The following ZNF148 variants were observed in gnomAD, a reference collection of about 807,000 sequenced individuals.
The protein encoded by ZNF148 is Beta-Enolase Repressor Factor-1.
Under a neutral mutation model 67.7 loss-of-function variants are expected in ZNF148, and 7 were observed. That is an observed-to-expected ratio of 0.10 (90% CI 0.06 to 0.19). The LOEUF (loss-of-function observed/expected upper bound fraction) is 0.19, where lower values mean the gene tolerates loss of function less well. Ranked by LOEUF, ZNF148 falls within the 10% of genes least tolerant of loss-of-function variation. The pLI is 1.00. For missense variants in ZNF148, 583 were observed against 947.1 expected (o/e 0.62, Z 5.05); for synonymous variants, 333 against 330.7 (o/e 1.01, Z -0.08).
At chr3:125,237,603 A>G (rs1013466551) in intron 7 of ZNF148, among the ~76,000 whole-genome samples, 4 of 152,176 alleles carry the variant, frequency 2.6e-5, no homozygotes, top group African/African-American at 9.7e-5. Flanking sequence ...AACTAAATTT[A>G]AAAAAGAATG....
rs1935855826 is a variant in ZNF148 at position 125,231,577 on chromosome 3, T to TA, written c.*763dup. 6.6e-6 allele frequency: 1 copy of TA among 152,506 alleles called. No homozygotes were observed. Among genetic ancestry groups the TA allele is most frequent in the African/African-American group, 2.4e-5 (1 of 41,432 alleles). The allele number at this position is 152,506 out of a possible 1,614,324, so 9.4% of individuals were successfully genotyped here. A position where few individuals can be genotyped will look rare whatever the true frequency, so the allele number is the denominator to read the frequency against. The stretch of plus-strand genomic sequence containing the variant: ...CTTGATACCTGCACATGAAAAATCA[T>TA]AAAAAATATCTAAGTACAACTGTAC... On this transcript the variant is annotated 3_prime_UTR_variant, in exon 9 of 9. Coordinates refer to ENST00000360647, the MANE Select transcript of ZNF148 (RefSeq NM_021964.3).
intron 1 of ZNF148, among the ~76,000 whole-genome samples, chr3:125,350,228 C>T (rs1345911861): frequency 1.3e-5 from 2 of 152,108 alleles, no homozygotes; most frequent in Non-Finnish European, 2.9e-5. Flanking sequence ...GGCGCAATCT[C>T]GGCTTACTGC....
intron 7 of ZNF148, among the ~76,000 whole-genome samples, chr3:125,269,130 G>A (rs1411629030): frequency 6.8e-6 from 1 of 146,390 alleles, no homozygotes; most frequent in East Asian, 2.0e-4. Context: ...TACTTTAGGA[G>A]ACTAAGGCAG....
chr3:125,329,254 G>C (rs1436043244), intron 2 of ZNF148, among the ~76,000 whole-genome samples: 2 of 146,428 alleles, frequency 1.4e-5, no homozygotes, highest in Admixed American at 1.4e-4. Context: ...TATATCTGTA[G>C]TATATACATA....
At chr3:125,358,031 G>C (rs1942419087) in intron 1 of ZNF148, among the ~76,000 whole-genome samples, 1 of 152,092 alleles carries the variant, frequency 6.6e-6, no homozygotes, top group African/African-American at 2.4e-5. Context: ...TCATAAATCG[G>C]ACCGGCGCGG....
intron 7 of ZNF148, among the ~76,000 whole-genome samples, chr3:125,241,527 G>C (rs966031775): frequency 1.3e-5 from 2 of 151,974 alleles, no homozygotes; most frequent in African/African-American, 4.8e-5. Flanking sequence ...TTAATTCACT[G>C]TTCTTATCTT....
intron 4 of ZNF148, among the ~76,000 whole-genome samples, chr3:125,291,821 GTATACACAGCCA>G (rs1939031527): frequency 6.6e-6 from 1 of 152,054 alleles, no homozygotes; most frequent in South Asian, 2.1e-4. Context: ...AGTAAAAGTA[GTATACACAGCCA>G]TATAAAAAAA....
At chr3:125,255,113 T>C (rs1036388102) in intron 7 of ZNF148, among the ~76,000 whole-genome samples, 2 of 152,166 alleles carry the variant, frequency 1.3e-5, no homozygotes, top group Non-Finnish European at 2.9e-5. Context: ...CTATTTTTGC[T>C]ATTGGTGTTA....
chr3:125,307,451 T>C (rs62270335), intron 4 of ZNF148, among the ~76,000 whole-genome samples: 81,269 of 151,222 alleles, frequency 0.54, 22,948 homozygotes, highest in Middle Eastern at 0.67. Flanking sequence ...CACAGGCGCT[T>C]GCTACCACGC....
intron 5 of ZNF148, among the ~76,000 whole-genome samples, chr3:125,281,862 T>C (rs1938407666): frequency 6.6e-6 from 1 of 152,190 alleles, no homozygotes; most frequent in African/African-American, 2.4e-5. Flanking sequence ...ATAAAGGACA[T>C]AGAGTAAACT....
intron 2 of ZNF148, among the ~76,000 whole-genome samples, chr3:125,325,999 G>A (rs1194970425): frequency 6.6e-6 from 1 of 152,016 alleles, no homozygotes; most frequent in Non-Finnish European, 1.5e-5. Context: ...AGAAAGACAG[G>A]GAAATCACAT....
chr3:125,342,008 G>A (rs78707194), intron 1 of ZNF148, among the ~76,000 whole-genome samples: 12,673 of 142,446 alleles, frequency 0.089, 866 homozygotes, highest in Non-Finnish European at 0.1. Context: ...GCGGGGGGGG[G>A]AATGGAAATC....
At position 125,366,463 on chromosome 3, in the gene ZNF148, GATTA is replaced by G. The variant is rs1393723973; in HGVS notation, c.-234+8635_-234+8638del. Among the ~76,000 whole-genome samples the G allele has an allele frequency of 3.3e-5, 5 of 152,126 alleles. No individual in the cohort carries two copies. The East Asian group carries it at 9.6e-4, about 29-fold the overall frequency. The stretch of plus-strand genomic sequence containing the variant: ...CTCTGCGTTCCAAACTATAGATTGT[GATTA>G]ATTATTTTGTCGGTCATGAAATCAG... On this transcript the variant is annotated intron_variant, in intron 1 of 8. Transcript: ENST00000360647.
Position 125,233,984 on chromosome 3 carries a change from C to A in ZNF148, c.787-45G>T. On this transcript the variant is annotated intron_variant, in intron 8 of 8. Transcript: ENST00000360647. This position sits in a 1 kb window ranked among gnomAD's most constrained non-coding sequence, Gnocchi z 5.1. ...GTAGTGGGTTGTTTGTGGTTTTGGT[C>A]AACCAAGAAAAGAAAAAGTGAAACA... 3 of 1,527,836 alleles carry A rather than the reference C, an allele frequency of 2.0e-6. No individual in the cohort carries two copies. Among genetic ancestry groups the A allele is most frequent in the South Asian group, 2.7e-5 (2 of 74,778 alleles). The allele number at this position is 1,527,836 out of a possible 1,614,324, so 94.6% of individuals were successfully genotyped here.
intron 2 of ZNF148, among the ~76,000 whole-genome samples, chr3:125,323,899 C>T (rs1407345509): frequency 2.6e-5 from 4 of 150,964 alleles, no homozygotes; most frequent in South Asian, 2.1e-4. Context: ...GCAGAGCTTG[C>T]AGTGAGCCAA....
chr3:125,344,615 TAC>T, intron 1 of ZNF148: 4 of 756,918 alleles, frequency 5.3e-6, no homozygotes. Flanking sequence ...GTCATAGATG[TAC>T]CATCTTTTAG....
At chr3:125,298,061 C>A (rs558351656) in intron 4 of ZNF148, among the ~76,000 whole-genome samples, 16 of 152,068 alleles carry the variant, frequency 1.1e-4, no homozygotes, top group Non-Finnish European at 2.1e-4. Context: ...AATAAAGAAA[C>A]CAGATACCTA....
intron 7 of ZNF148, among the ~76,000 whole-genome samples, chr3:125,266,842 A>G (rs1028089028): frequency 6.6e-6 from 1 of 152,082 alleles, no homozygotes; most frequent in African/African-American, 2.4e-5. Flanking sequence ...TCAAATAAGC[A>G]CAATCAGAAA....
intron 1 of ZNF148, among the ~76,000 whole-genome samples, chr3:125,350,018 G>C (rs1039114132): frequency 1.1e-4 from 17 of 152,262 alleles, no homozygotes; most frequent in Middle Eastern, 6.8e-3. Flanking sequence ...TAAACCCTGT[G>C]TACTGTTCAT....
Sources: gnomAD v4.1 joint callset for allele counts (sites outside exome capture counted in the v4.1 genomes callset) on GRCh38, gnomAD v4.1.1 for gene constraint, Gnocchi (gnomAD v3.1) non-coding constraint, MANE v1.5 for transcripts, NCBI Gene and HGNC (gene_info 2026-07-23, HGNC 2026-07-21) for gene names.